Variants in SHISA9 observed in about 807,000 individuals in gnomAD.
SHISA9 encodes the protein shisa family member 9.
Under a neutral mutation model 38.0 loss-of-function variants are expected in SHISA9, and 13 were observed. The ratio of observed to expected loss-of-function variants is 0.34; its 90% CI spans 0.22 to 0.54. The LOEUF (loss-of-function observed/expected upper bound fraction) is 0.54. Among genes scored for constraint, SHISA9 ranks in the 20% least tolerant of loss-of-function variants. SHISA9 has a pLI of 0.91. For missense variants in SHISA9, 538 were observed against 575.8 expected, an observed-to-expected ratio of 0.93 and a Z score of 0.67; for synonymous variants, 275 against 242.0, an observed-to-expected ratio of 1.14 and a Z score of -1.27.
chr16:13,202,181 T>A lies in SHISA9; in HGVS notation c.692-1213T>A, dbSNP rs1427071246. ...TCCTGCCACCCTCTCCAACCCCACC[T>A]CATTCCAGTTTCCTTACACTGTATT... On this transcript the variant is annotated intron_variant, in intron 2 of 4. Transcript: ENST00000558583. Among the ~76,000 whole-genome samples the A allele has an allele frequency of 3.2e-4, 41 of 126,446 alleles. 8 individuals are homozygous for A. Among genetic ancestry groups the A allele is most frequent in the African/African-American group, 1.2e-3 (38 of 31,248 alleles). 83.0% of individuals were successfully genotyped at this position (126,446 alleles called of 152,430 possible).
chr16:13,086,816 T>A (rs185324560), intron 2 of SHISA9, among the ~76,000 whole-genome samples: 17 of 150,936 alleles, frequency 1.1e-4, no homozygotes, highest in Non-Finnish European at 1.8e-4. Flanking sequence ...AGACTTTTAT[T>A]TTTTATTTTT....
intron 2 of SHISA9, among the ~76,000 whole-genome samples, chr16:12,988,697 G>A (rs979197877): frequency 3.9e-5 from 6 of 151,942 alleles, no homozygotes; most frequent in East Asian, 1.9e-4. Context: ...GACTATTTTC[G>A]TGTTTTTAGT....
intron 2 of SHISA9, among the ~76,000 whole-genome samples, chr16:13,149,570 A>T (rs566042276): frequency 8.5e-5 from 13 of 152,222 alleles, no homozygotes; most frequent in African/African-American, 3.1e-4. Flanking sequence ...AGCGGATTAC[A>T]TTGCATCTCT....
chr16:13,019,080 A>G (rs1171010035), intron 2 of SHISA9, among the ~76,000 whole-genome samples: 1 of 151,916 alleles, frequency 6.6e-6, no homozygotes, highest in Non-Finnish European at 1.5e-5. Flanking sequence ...GATGATTGCA[A>G]CCTCCACCTC....
At chr16:13,093,891 A>T (rs1348109734) in intron 2 of SHISA9, among the ~76,000 whole-genome samples, 1 of 152,066 alleles carries the variant, frequency 6.6e-6, no homozygotes, top group African/African-American at 2.4e-5. Flanking sequence ...GAAGGGAGGC[A>T]CCATAGGATT....
chr16:13,295,292 G>C, the SHISA9 span, among the ~76,000 whole-genome samples: 2 of 152,162 alleles, frequency 1.3e-5, no homozygotes, highest in Non-Finnish European at 2.9e-5. Context: ...TCTTATTTGG[G>C]ACCATTATCT....
intron 2 of SHISA9, among the ~76,000 whole-genome samples, chr16:13,063,915 T>C (rs2073404619): frequency 6.6e-6 from 1 of 152,216 alleles, no homozygotes; most frequent in African/African-American, 2.4e-5. Flanking sequence ...GTCTCTGACT[T>C]CCGACTCCCA....
intron 2 of SHISA9, among the ~76,000 whole-genome samples, chr16:13,039,518 G>A (rs1313728064): frequency 2.0e-5 from 3 of 146,486 alleles, no homozygotes; most frequent in Non-Finnish European, 3.0e-5. Flanking sequence ...AACTTATAGA[G>A]GAGGCTGTGA....
chr16:13,215,080 G>C (rs917273140), intron 4 of SHISA9, among the ~76,000 whole-genome samples: 13 of 152,136 alleles, frequency 8.5e-5, no homozygotes, highest in African/African-American at 3.1e-4. Flanking sequence ...CACTGAGGTG[G>C]GTAGAGGATG....
chr16:12,916,863 G>A (rs752823445), intron 2 of SHISA9, 48 bp downstream of exon 2: 3 of 1,532,484 alleles, frequency 2.0e-6, no homozygotes, highest in African/African-American at 1.4e-5. Flanking sequence ...GGTGACCTGA[G>A]CAGTGGTCAC....
intron 2 of SHISA9, among the ~76,000 whole-genome samples, chr16:13,158,003 A>G (rs2050562431): frequency 6.6e-6 from 1 of 152,082 alleles, no homozygotes; most frequent in African/African-American, 2.4e-5. Flanking sequence ...CAAGTTTTTT[A>G]TGTCAGAAAG....
the SHISA9 span, among the ~76,000 whole-genome samples, chr16:13,510,858 A>G: frequency 6.6e-6 from 1 of 152,128 alleles, no homozygotes; most frequent in Non-Finnish European, 1.5e-5. Context: ...GACCCTTGTC[A>G]TCTACGTACT....
chr16:13,451,714 A>G, the SHISA9 span, among the ~76,000 whole-genome samples: 15 of 152,236 alleles, frequency 9.9e-5, no homozygotes, highest in African/African-American at 3.1e-4. Context: ...AAAGGAGGAC[A>G]GCATAATGAT....
the SHISA9 span, among the ~76,000 whole-genome samples, chr16:13,330,837 G>A: frequency 2.0e-5 from 3 of 152,136 alleles, no homozygotes; most frequent in South Asian, 2.1e-4. Context: ...AAAGGCCAGC[G>A]GGGAATGATA....
At chr16:12,933,437 G>A (rs932800101) in intron 2 of SHISA9, among the ~76,000 whole-genome samples, 4 of 152,094 alleles carry the variant, frequency 2.6e-5, no homozygotes, top group African/African-American at 9.7e-5. Flanking sequence ...TAGAACTGCA[G>A]GTGCATGCCA....
In SHISA9 at chr16:13,234,957, ACTCTCTCTCTCTCT is replaced by A. The variant is rs71147791; in HGVS notation, c.896-56_896-43del. 4.5e-6 allele frequency: 6 copies of A among 1,322,062 alleles called. No homozygotes were observed. In the South Asian group the frequency reaches 6.2e-5, roughly 14 times the overall value. The allele number at this position is 1,322,062 out of a possible 1,614,324, so 81.9% of individuals were successfully genotyped here. On this transcript the variant is annotated intron_variant, in intron 4 of 4. Coordinates refer to ENST00000558583, the MANE Select transcript of SHISA9 (RefSeq NM_001145204.3). ...TCTTGGGTTGACATGCCAGTCTCTA[ACTCTCTCTCTCTCT>A]CTCTCTCTCTCTCTCTTCTCTTTCT...
At chr16:13,222,466 A>T (rs1419979867) in intron 4 of SHISA9, among the ~76,000 whole-genome samples, 1 of 152,094 alleles carries the variant, frequency 6.6e-6, no homozygotes, top group Non-Finnish European at 1.5e-5. Context: ...TAGAACAAGG[A>T]TTTCTTTTTT....
the SHISA9 span, among the ~76,000 whole-genome samples, chr16:13,299,113 G>C: frequency 6.6e-6 from 1 of 152,196 alleles, no homozygotes; most frequent in Non-Finnish European, 1.5e-5. Flanking sequence ...GCAAAGTCCA[G>C]CTTAGATATC....
At chr16:13,534,030 G>A in the SHISA9 span, among the ~76,000 whole-genome samples, 11 of 152,062 alleles carry the variant, frequency 7.2e-5, no homozygotes, top group East Asian at 1.9e-4. Context: ...TGATCCGCCC[G>A]CCTCAGCCTC....
Sources: gnomAD v4.1 joint callset for allele counts (sites outside exome capture counted in the v4.1 genomes callset) on GRCh38, gnomAD v4.1.1 for gene constraint, MANE v1.5 for transcripts, NCBI Gene and HGNC (gene_info 2026-07-23, HGNC 2026-07-21) for gene names.